DOCK9: variants seen among roughly 807,000 people sequenced by gnomAD.
DOCK9 encodes the protein dedicator of cytokinesis protein 9.
DOCK9 carries 89 observed loss-of-function variants against 263.3 expected under a neutral mutation model. The observed-to-expected ratio is 0.34, with a 90% CI of 0.28 to 0.40. The LOEUF (loss-of-function observed/expected upper bound fraction) is 0.40, where lower values mean the gene tolerates loss of function less well. Among genes scored for constraint, DOCK9 ranks in the 10% least tolerant of loss-of-function variants. DOCK9 has a pLI of 1.00. For missense variants in DOCK9, 2,140 were observed against 2,603.4 expected, an observed-to-expected ratio of 0.82 and a Z score of 3.87; for synonymous variants, 976 against 973.1, an observed-to-expected ratio of 1.00 and a Z score of -0.06.
intron 35 of DOCK9, among the ~76,000 whole-genome samples, chr13:98,850,626 T>G (rs1190704632): frequency 6.6e-6 from 1 of 152,224 alleles, no homozygotes; most frequent in Non-Finnish European, 1.5e-5. Context: ...AGACCATAAT[T>G]GAGTTAACTA....
chr13:98,855,636 C>A (rs2093688931), intron 34 of DOCK9, among the ~76,000 whole-genome samples: 1 of 151,926 alleles, frequency 6.6e-6, no homozygotes, highest in African/African-American at 2.4e-5. Flanking sequence ...TGAGTCCCTC[C>A]CCGTTCAACC....
intron 27 of DOCK9, among the ~76,000 whole-genome samples, chr13:98,872,653 T>A (rs571318233): frequency 6.6e-6 from 1 of 152,184 alleles, no homozygotes; most frequent in Non-Finnish European, 1.5e-5. Context: ...GCGATTCTCC[T>A]ACCTAGGCCT....
At chr13:98,905,063 C>T (rs1310626503) in intron 9 of DOCK9, among the ~76,000 whole-genome samples, 1 of 152,156 alleles carries the variant, frequency 6.6e-6, no homozygotes, top group East Asian at 1.9e-4. Context: ...GCTGAACATC[C>T]CTGGCTGAAT....
At chr13:98,851,769 C>T (rs2093579787) in intron 35 of DOCK9, among the ~76,000 whole-genome samples, 1 of 152,112 alleles carries the variant, frequency 6.6e-6, no homozygotes, top group Admixed American at 6.5e-5. Context: ...ACACAAAAGC[C>T]AATTGTAGGT....
At position 98,819,887 on chromosome 13, in the gene DOCK9, A is replaced by C. The variant is rs182365160; in HGVS notation, c.5130+4511T>G. ...CTGGCAACTATTCCTGAATAGAAAC[A>C]ATTTTGACGAATAGAAGCCAGAGAC... On this transcript the variant is annotated intron_variant, in intron 45 of 52. Coordinates refer to ENST00000682017, the MANE Select transcript of DOCK9 (RefSeq NM_001366683.2). Among the ~76,000 whole-genome samples, 164 of 152,354 alleles carry C rather than the reference A, an allele frequency of 1.1e-3. 3 individuals carry two copies. Among genetic ancestry groups the C allele is most frequent in the African/African-American group, 3.8e-3 (160 of 41,582 alleles).
chr13:98,884,151 A>G (rs2045306371), intron 21 of DOCK9, among the ~76,000 whole-genome samples: 2 of 152,184 alleles, frequency 1.3e-5, no homozygotes, highest in African/African-American at 4.8e-5. Context: ...TGTGTGAGTT[A>G]TTGTTCATTT....
At position 98,885,028 on chromosome 13, in the gene DOCK9, C is replaced by T. The variant is rs763052864; in HGVS notation, c.2325G>A (p.Pro775=). 15 of 1,613,532 alleles carry T rather than the reference C, an allele frequency of 9.3e-6. No individual in the cohort carries two copies. In the East Asian group the frequency reaches 1.3e-4, roughly 14 times the overall value. The part of the protein sequence containing the change: ...GRVVTSEQHI[P]VSANLPSGYL... The stretch of plus-strand genomic sequence containing the variant: ...AGCCCGAAGGAAGGTTCGCCGAGAC[C>T]GGGATGTGCTGCTCGCTTGTCACCA... The change falls in exon 21 of 53, where the codon CCG becomes CCA. Residue 775 remains proline (P), a synonymous_variant. Coordinates refer to ENST00000682017, the MANE Select transcript of DOCK9 (RefSeq NM_001366683.2).
chr13:99,007,304 C>T (rs867077355), intron 1 of DOCK9, among the ~76,000 whole-genome samples: 2 of 151,988 alleles, frequency 1.3e-5, no homozygotes, highest in African/African-American at 4.8e-5. Context: ...ACAAGAATTG[C>T]TTGAACCCAG....
chr13:98,961,617 T>C (rs1263458656), intron 1 of DOCK9, among the ~76,000 whole-genome samples: 1 of 152,156 alleles, frequency 6.6e-6, no homozygotes, highest in Non-Finnish European at 1.5e-5. Flanking sequence ...CTGGGATGCC[T>C]CTCATGACAG....
intron 1 of DOCK9, among the ~76,000 whole-genome samples, chr13:99,022,806 G>C (rs572615742): frequency 3.9e-5 from 6 of 152,242 alleles, no homozygotes; most frequent in African/African-American, 1.4e-4. Context: ...AAATTGGCTG[G>C]ATGTGATGTC....
At chr13:98,993,800 G>C (rs1203002070) in intron 1 of DOCK9, among the ~76,000 whole-genome samples, 2 of 137,998 alleles carry the variant, frequency 1.4e-5, no homozygotes, top group African/African-American at 5.4e-5. Context: ...ATAAATAAAA[G>C]TTTTGGTTTT....
intron 1 of DOCK9, among the ~76,000 whole-genome samples, chr13:99,001,593 C>G (rs1339326812): frequency 6.6e-6 from 1 of 152,200 alleles, no homozygotes; most frequent in Non-Finnish European, 1.5e-5. Flanking sequence ...ACTAAGGTAA[C>G]TCTTGGATTA....
At chr13:98,817,562 G>C (rs952881573) in intron 45 of DOCK9, among the ~76,000 whole-genome samples, 1 of 145,048 alleles carries the variant, frequency 6.9e-6, no homozygotes, top group Non-Finnish European at 1.5e-5. Flanking sequence ...CAAAGTGCTG[G>C]GATTACAGGT....
At chr13:99,008,110 G>A (rs906641755) in intron 1 of DOCK9, among the ~76,000 whole-genome samples, 9 of 149,804 alleles carry the variant, frequency 6.0e-5, no homozygotes, top group African/African-American at 2.2e-4. Context: ...TCTGTAAAAT[G>A]AAATGACACC....
chr13:98,957,951 C>T (rs1281921733), intron 1 of DOCK9, among the ~76,000 whole-genome samples: 3 of 148,084 alleles, frequency 2.0e-5, no homozygotes, highest in African/African-American at 7.4e-5. Flanking sequence ...GGCACAGGCA[C>T]AGGCTGGGCA....
At chr13:98,834,580 AAC>A (rs1937744059) in intron 39 of DOCK9, 1 of 152,228 alleles carries the variant, frequency 6.6e-6, no homozygotes, top group Admixed American at 6.5e-5. Flanking sequence ...AACTGCTAAA[AAC>A]ACATTTCCAG....
chr13:98,880,785 G>C (rs563642775), intron 25 of DOCK9, 113 bp from the exon 26 acceptor site: 87 of 1,371,702 alleles, frequency 6.3e-5, no homozygotes, highest in Non-Finnish European at 7.9e-5. Flanking sequence ...TCATTTGTGG[G>C]AGAGGAAGGT....
At chr13:98,869,323 T>C (rs2094130995) in intron 27 of DOCK9, among the ~76,000 whole-genome samples, 1 of 152,252 alleles carries the variant, frequency 6.6e-6, no homozygotes, top group African/African-American at 2.4e-5. Context: ...TCAATTCTTG[T>C]AATACCCCTA....
chr13:98,877,922 C>A (rs993428808), intron 27 of DOCK9, among the ~76,000 whole-genome samples: 2 of 152,254 alleles, frequency 1.3e-5, no homozygotes, highest in East Asian at 3.9e-4. Flanking sequence ...AATAAAAAAT[C>A]CACTGGCGCC....
Sources: gnomAD v4.1 joint callset for allele counts (sites outside exome capture counted in the v4.1 genomes callset) on GRCh38, gnomAD v4.1.1 for gene constraint, MANE v1.5 for transcripts, NCBI Gene and HGNC (gene_info 2026-07-23, HGNC 2026-07-21) for gene names.